Variants in TPH2 observed in about 807,000 individuals in gnomAD.
The protein encoded by TPH2 is tryptophan hydroxylase 2.
TPH2 carries 27 observed loss-of-function variants against 59.1 expected under a neutral mutation model. That is an observed-to-expected ratio of 0.46 (90% CI 0.34 to 0.63). The LOEUF (loss-of-function observed/expected upper bound fraction) is 0.63. TPH2 is among the 30% of genes least tolerant of loss of function. The probability of loss-of-function intolerance (pLI) is 0.01; values close to 1 mark genes in which losing one functional copy is unlikely to be tolerated. For missense variants in TPH2, 523 were observed against 588.3 expected, an observed-to-expected ratio of 0.89 and a Z score of 1.15; for synonymous variants, 220 against 210.5, an observed-to-expected ratio of 1.05 and a Z score of -0.39.
intron 7 of TPH2, among the ~76,000 whole-genome samples, chr12:71,985,386 T>C (rs1872402063): frequency 6.6e-6 from 1 of 152,120 alleles, no homozygotes; most frequent in Non-Finnish European, 1.5e-5. Context: ...TAGAAGGGAT[T>C]TGAAAAGGCT....
chr12:71,998,509 AC>A (rs911732407), intron 8 of TPH2, among the ~76,000 whole-genome samples: 21 of 152,332 alleles, frequency 1.4e-4, no homozygotes, highest in Non-Finnish European at 2.6e-4. Flanking sequence ...TTGAAAAAAA[AC>A]CCCACAGATT....
At chr12:72,023,604 C>T (rs147138461) in intron 9 of TPH2, among the ~76,000 whole-genome samples, 105 of 151,888 alleles carry the variant, frequency 6.9e-4, no homozygotes, top group Non-Finnish European at 8.2e-4. Flanking sequence ...CTGAGGTGGG[C>T]GGATCACCTG....
At chr12:72,014,627 G>A (rs1477187928) in intron 8 of TPH2, among the ~76,000 whole-genome samples, 1 of 152,068 alleles carries the variant, frequency 6.6e-6, no homozygotes, top group African/African-American at 2.4e-5. Context: ...CTGACCTCAG[G>A]TGATCTACCC....
intron 9 of TPH2, among the ~76,000 whole-genome samples, chr12:72,030,989 T>G (rs1020198027): frequency 1.1e-4 from 16 of 152,248 alleles, no homozygotes; most frequent in African/African-American, 3.9e-4. Flanking sequence ...CAGTATGAAT[T>G]TGGCTGGTAA....
chr12:71,980,262 C>G (rs1872238643), intron 7 of TPH2, among the ~76,000 whole-genome samples: 1 of 152,180 alleles, frequency 6.6e-6, no homozygotes, highest in Non-Finnish European at 1.5e-5. Flanking sequence ...TCTTACCCCA[C>G]TGTTCTTCAG....
chr12:71,972,106 A>G (rs576889717), intron 5 of TPH2, among the ~76,000 whole-genome samples: 1 of 152,250 alleles, frequency 6.6e-6, no homozygotes, highest in African/African-American at 2.4e-5. Context: ...GGCAAGGGAC[A>G]AAAAGAACCC....
At chr12:72,001,278 G>T (rs1872814459) in intron 8 of TPH2, among the ~76,000 whole-genome samples, 1 of 152,122 alleles carries the variant, frequency 6.6e-6, no homozygotes. Context: ...GAAGAGTCTT[G>T]GCTAAGGGTA....
intron 9 of TPH2, among the ~76,000 whole-genome samples, chr12:72,023,821 G>GAAAAAAAAAAAAA (rs767208238): frequency 2.8e-3 from 78 of 27,642 alleles, no homozygotes; most frequent in Non-Finnish European, 4.1e-3. Context: ...GACTCTGACA[G>GAAAAAAAAAAAAA]AAAAAAAAAA....
intron 6 of TPH2, 55 bp from the exon 7 acceptor site, chr12:71,978,897 G>T: frequency 1.2e-6 from 2 of 1,610,794 alleles, no homozygotes; most frequent in Middle Eastern, 1.7e-4. Flanking sequence ...TCCTGCTTGG[G>T]CCCTCAAGTC....
chr12:71,940,076 AT>A (rs1358203233), intron 1 of TPH2, among the ~76,000 whole-genome samples: 1 of 152,218 alleles, frequency 6.6e-6, no homozygotes, highest in African/African-American at 2.4e-5. Flanking sequence ...ATGTAAATAG[AT>A]TTTTTAACAT....
chr12:71,966,658 C>G (rs532717832), intron 5 of TPH2, among the ~76,000 whole-genome samples: 1 of 152,308 alleles, frequency 6.6e-6, no homozygotes, highest in African/African-American at 2.4e-5. Context: ...CATTCCCTTA[C>G]CCAATTCTCT....
chr12:71,972,445 A>T, intron 5 of TPH2, 74 bp from the exon 6 acceptor site: 1 of 1,431,014 alleles, frequency 7.0e-7, no homozygotes, highest in South Asian at 1.1e-5. Flanking sequence ...GACTTGTGAT[A>T]GGTATTGAGG....
intron 4 of TPH2, among the ~76,000 whole-genome samples, chr12:71,947,840 C>T (rs1871237328): frequency 6.6e-6 from 1 of 152,118 alleles, no homozygotes; most frequent in Non-Finnish European, 1.5e-5. Flanking sequence ...GGAAAAGGTG[C>T]AGGTGTTTGC....
At chr12:71,944,499 C>G (rs754056976) in intron 3 of TPH2, 22 bp downstream of exon 3, 1 of 1,613,814 alleles carries the variant, frequency 6.2e-7, no homozygotes, top group Admixed American at 1.7e-5. Flanking sequence ...CTTAGCTTGT[C>G]GGGTAACTTT....
At chr12:71,946,597 G>A (rs753415497) in intron 4 of TPH2, among the ~76,000 whole-genome samples, 3 of 152,024 alleles carry the variant, frequency 2.0e-5, no homozygotes, top group Admixed American at 6.6e-5. Flanking sequence ...TCTTTTATAC[G>A]CACACCAAAT....
chr12:72,028,201 A>C (rs1289403971), intron 9 of TPH2, among the ~76,000 whole-genome samples: 1 of 152,228 alleles, frequency 6.6e-6, no homozygotes, highest in African/African-American at 2.4e-5. Flanking sequence ...TTCTCTCTGC[A>C]GGAAGTTGGA....
chr12:71,984,343 T>C (rs144222974), intron 7 of TPH2, among the ~76,000 whole-genome samples: 1 of 152,326 alleles, frequency 6.6e-6, no homozygotes, highest in Admixed American at 6.5e-5. Flanking sequence ...CTAAGTAAAG[T>C]AAATGAATTT....
At chr12:71,987,593 A>G (rs1297458488) in intron 7 of TPH2, among the ~76,000 whole-genome samples, 1 of 152,234 alleles carries the variant, frequency 6.6e-6, no homozygotes. Flanking sequence ...TCACGCCTGT[A>G]ATCCTAGCAC....
At chr12:71,978,838 A>T in intron 6 of TPH2, 114 bp from the exon 7 acceptor site, 1 of 1,359,428 alleles carries the variant, frequency 7.4e-7, no homozygotes, top group Non-Finnish European at 1.1e-6. Context: ...CAAGAGGTTT[A>T]TGACCTTGAT....
Sources: allele counts gnomAD v4.1 joint callset (sites outside exome capture counted in the v4.1 genomes callset), GRCh38; gene constraint gnomAD v4.1.1; transcripts MANE v1.5; gene names NCBI Gene and HGNC (gene_info 2026-07-23, HGNC 2026-07-21).